BLVRA: variants seen among roughly 807,000 people sequenced by gnomAD.
BLVRA encodes the protein biliverdin reductase A.
In BLVRA, 22 loss-of-function variants were observed where a neutral mutation model predicts 32.8. The observed-to-expected ratio is 0.67, with a 90% confidence interval of 0.48 to 0.96. The LOEUF (loss-of-function observed/expected upper bound fraction) is 0.96, where lower values mean the gene tolerates loss of function less well. Among genes scored for constraint, BLVRA ranks in the 40% least tolerant of loss-of-function variants. The pLI, the probability that BLVRA is intolerant of heterozygous loss-of-function variation, is 0.00. For missense variants in BLVRA, 323 were observed against 358.1 expected (o/e 0.90, Z 0.79); for synonymous variants, 119 against 141.3 (o/e 0.84, Z 1.12).
At chr7:43,778,806 C>T (rs1228757016) in intron 2 of BLVRA, among the ~76,000 whole-genome samples, 3 of 152,252 alleles carry the variant, frequency 2.0e-5, no homozygotes, top group Non-Finnish European at 2.9e-5. Context: ...GTGGGCCCCA[C>T]CCAGTTCGAG....
intron 2 of BLVRA, among the ~76,000 whole-genome samples, chr7:43,773,827 C>A (rs990709767): frequency 2.0e-5 from 3 of 152,186 alleles, no homozygotes; most frequent in African/African-American, 7.2e-5. Flanking sequence ...TAATGATCAC[C>A]ATTCTAACTG....
intron 2 of BLVRA, among the ~76,000 whole-genome samples, chr7:43,781,440 G>A (rs993858780): frequency 3.3e-5 from 5 of 152,202 alleles, no homozygotes; most frequent in African/African-American, 4.8e-5. Context: ...TCGGCCTCCC[G>A]TTTCAAGCAA....
chr7:43,789,517 A>G (rs533246570), intron 3 of BLVRA, among the ~76,000 whole-genome samples: 5 of 151,160 alleles, frequency 3.3e-5, no homozygotes, highest in African/African-American at 9.7e-5. Flanking sequence ...CGTAACCCCC[A>G]TCGCACCCCT....
intron 5 of BLVRA, among the ~76,000 whole-genome samples, chr7:43,797,662 T>C (rs2095794298): frequency 6.6e-6 from 1 of 152,218 alleles, no homozygotes; most frequent in African/African-American, 2.4e-5. Flanking sequence ...TCAAACCTCA[T>C]TCAAATTTCA....
intron 2 of BLVRA, among the ~76,000 whole-genome samples, chr7:43,773,608 T>C (rs1208582185): frequency 6.6e-6 from 1 of 152,216 alleles, no homozygotes; most frequent in Non-Finnish European, 1.5e-5. Context: ...TACGTGTGCA[T>C]GTGTCTTTAT....
At chr7:43,803,926 C>T (rs2095801502) in intron 7 of BLVRA, 79 bp downstream of exon 7, 1 of 1,554,080 alleles carries the variant, frequency 6.4e-7, no homozygotes, top group Non-Finnish European at 8.8e-7. Flanking sequence ...AAAGGGAGCC[C>T]CGAGGGGCTA....
chr7:43,772,502 G>T (rs143701279), intron 2 of BLVRA, among the ~76,000 whole-genome samples: 180 of 152,350 alleles, frequency 1.2e-3, no homozygotes, highest in African/African-American at 4.2e-3. Context: ...CCAGGGCTGG[G>T]TGTGGAAAGA....
chr7:43,772,987 T>C (rs1234542196), intron 2 of BLVRA, among the ~76,000 whole-genome samples: 1 of 152,144 alleles, frequency 6.6e-6, no homozygotes, highest in African/African-American at 2.4e-5. Context: ...TTGCACCACC[T>C]CCTTAGTTAT....
At chr7:43,777,931 G>A (rs1211707278) in intron 2 of BLVRA, among the ~76,000 whole-genome samples, 5 of 151,912 alleles carry the variant, frequency 3.3e-5, no homozygotes, top group Non-Finnish European at 5.9e-5. Flanking sequence ...CCAGTTGATC[G>A]CATTGGCTCC....
intron 5 of BLVRA, among the ~76,000 whole-genome samples, chr7:43,798,625 C>G (rs1172283529): frequency 6.6e-6 from 1 of 152,192 alleles, no homozygotes; most frequent in Non-Finnish European, 1.5e-5. Flanking sequence ...CTTTCTGGCA[C>G]AAAGTGGTTA....
intron 3 of BLVRA, among the ~76,000 whole-genome samples, chr7:43,789,610 C>T (rs2095782944): frequency 1.3e-5 from 2 of 152,190 alleles, no homozygotes. Flanking sequence ...CAGTCCTCTG[C>T]CAGTTGGCTT....
chr7:43,763,816 C>T (rs2095744941), intron 1 of BLVRA, among the ~76,000 whole-genome samples: 1 of 152,128 alleles, frequency 6.6e-6, no homozygotes, highest in African/African-American at 2.4e-5. Flanking sequence ...TTTCTTGTAA[C>T]TTAGCCGTTT....
chr7:43,803,895 G>A (rs1376541382), intron 7 of BLVRA, 48 bp downstream of exon 7: 1 of 1,605,458 alleles, frequency 6.2e-7, no homozygotes, highest in East Asian at 2.2e-5. Context: ...GGACATCCTA[G>A]TACATTTGCA....
rs2095792607 is a variant in BLVRA, at chr7:43,796,134, AAAAGAAAAG to A, written c.352+3326_352+3334del. 3.3e-5 allele frequency among the ~76,000 whole-genome samples: 5 copies of A among 150,758 alleles called. No homozygotes were observed. The East Asian group carries it at 9.7e-4, about 29-fold the overall frequency. ...GACTCTGTCTCACAAAAAAAAAAAAAAAAGAAAAGAAAAGAAAAGAAAAAAAGAGTAAAG... is the reference window on the plus strand; with the variant it reads ...GACTCTGTCTCACAAAAAAAAAAAAAAAAAGAAAAGAAAAAAAGAGTAAAG... On this transcript the variant is annotated intron_variant, in intron 5 of 7. Transcript: ENST00000265523.
chr7:43,775,763 C>G (rs1472051219), intron 2 of BLVRA, among the ~76,000 whole-genome samples: 8 of 152,222 alleles, frequency 5.3e-5, no homozygotes. Context: ...GTGAATCCAT[C>G]TCGTCCTGGA....
intron 2 of BLVRA, among the ~76,000 whole-genome samples, chr7:43,775,326 T>G (rs2095759492): frequency 6.6e-6 from 1 of 152,232 alleles, no homozygotes. Flanking sequence ...CAATACCTAA[T>G]TTATTGAGAG....
At chr7:43,792,849 T>C in intron 5 of BLVRA, 37 bp downstream of exon 5, 1 of 1,585,352 alleles carries the variant, frequency 6.3e-7, no homozygotes, top group Non-Finnish European at 8.7e-7. Flanking sequence ...CCTCCAGGAT[T>C]TCTGTGATAT....
chr7:43,783,116 T>C (rs2095772122), intron 2 of BLVRA, among the ~76,000 whole-genome samples: 1 of 152,198 alleles, frequency 6.6e-6, no homozygotes, highest in Non-Finnish European at 1.5e-5. Context: ...GATATTTATG[T>C]CTGTTTTCAG....
intron 4 of BLVRA, among the ~76,000 whole-genome samples, chr7:43,792,371 T>G (rs549581837): frequency 6.6e-6 from 1 of 152,380 alleles, no homozygotes; most frequent in African/African-American, 2.4e-5. Context: ...CTGTGGGTTT[T>G]GTAGCCTTTA....
Sources: allele counts gnomAD v4.1 joint callset (sites outside exome capture counted in the v4.1 genomes callset), GRCh38; gene constraint gnomAD v4.1.1; transcripts MANE v1.5; gene names NCBI Gene and HGNC (gene_info 2026-07-23, HGNC 2026-07-21).